Variants in EMILIN1 observed in about 807,000 individuals in gnomAD.
EMILIN1 encodes the protein EMILIN-1.
A neutral mutation model predicts 82.4 loss-of-function variants in EMILIN1; 49 were observed. The ratio of observed to expected loss-of-function variants is 0.59; its 90% CI spans 0.47 to 0.75. The LOEUF (loss-of-function observed/expected upper bound fraction) is 0.75, where lower values mean the gene tolerates loss of function less well. Among genes scored for constraint, EMILIN1 ranks in the 30% least tolerant of loss-of-function variants. EMILIN1 has a pLI of 0.00. For missense variants in EMILIN1, 1,313 were observed against 1,366.4 expected, an observed-to-expected ratio of 0.96 and a Z score of 0.62; for synonymous variants, 604 against 602.2, an observed-to-expected ratio of 1.00 and a Z score of -0.04.
rs147078289 is a variant in EMILIN1 at position 27,085,767 on chromosome 2, C to T, written c.2803C>T (p.Arg935Cys). The change falls in exon 8 of 8, where the codon CGC becomes TGC. Residue 935 changes from arginine (R) to cysteine (C), a missense_variant. Coordinates refer to ENST00000380320, the MANE Select transcript of EMILIN1 (RefSeq NM_007046.4). The stretch of plus-strand genomic sequence containing the variant: ...CGAGAAAGTGGAGGCCGTGCTGTCC[C>T]GCTCCAACCAGGGCGTGGCCCGCGT... ...RHEKVEAVLS[R>C]SNQGVARVDS... The T allele has an allele frequency of 1.2e-6, 2 of 1,612,740 alleles. No individual in the cohort carries two copies. The highest frequency in any genetic ancestry group is 1.7e-6 in the Non-Finnish European group (2 of 1,179,820).
In EMILIN1 at chr2:27,080,947, G is replaced by C. The variant is rs1361570171; in HGVS notation, c.506G>C (p.Gly169Ala). ...GGCAGCCCCCTCAGTGGACTGGGGG[G>C]AGAAGGTGAGTGTGGGAGCTGCTGC... ...SAGSPLSGLG[G>A]EGPGESEKVQ... Residue 169 changes from glycine (G) to alanine (A), a missense_variant, in exon 3 of 8, where the codon GGA (glycine) becomes GCA (alanine). Transcript: ENST00000380320. The C allele has an allele frequency of 6.3e-7, 1 of 1,583,038 alleles. No individual in the cohort carries two copies. Among genetic ancestry groups the C allele is most frequent in the Admixed American group, 1.8e-5 (1 of 55,644 alleles).
intron 3 of EMILIN1, 140 bp downstream of exon 3, chr2:27,081,092 G>A (rs1316978550): frequency 2.4e-5 from 15 of 616,928 alleles, no homozygotes; most frequent in Middle Eastern, 4.4e-4. Context: ...TAGTGAGATC[G>A]CAGAGATTCC....
intron 2 of EMILIN1, 131 bp downstream of exon 2, chr2:27,080,401 G>C: frequency 7.9e-7 from 1 of 1,260,652 alleles, no homozygotes; most frequent in Non-Finnish European, 1.1e-6. Flanking sequence ...CAGCCATTTT[G>C]AGGAGATACT....
At position 27,081,037 on chromosome 2, in the gene EMILIN1, A is replaced by T. The variant is rs7588791; in HGVS notation, c.511+85A>T. The T allele has an allele frequency of 7.8e-3, 8,236 of 1,059,154 alleles. 455 individuals carry two copies. The African/African-American group carries it at 0.12, about 15-fold the overall frequency. The allele number at this position is 1,059,154 out of a possible 1,614,324, so 65.6% of individuals were successfully genotyped here. On this transcript the variant is annotated intron_variant, in intron 3 of 7. Coordinates refer to ENST00000380320, the MANE Select transcript of EMILIN1 (RefSeq NM_007046.4). ...AAATGTGGGGCCAGGCTGCTGGGGG[A>T]GTCCCCCGTGCTCTATGCCAGAGAG...
In EMILIN1 at chr2:27,080,900, C is replaced by A; in HGVS notation, c.459C>A (p.Pro153=). ...GGCCCCTGGCCCGGCCTGCCCGCCC[C>A]AACCTCTCTGGCTCCAGTGCAGGCA... ...TPRPLARPAR[P]NLSGSSAGSP... Residue 153 remains proline, a synonymous_variant, in exon 3 of 8, where the codon CCC becomes CCA. Transcript: ENST00000380320. 6.2e-7 allele frequency: 1 copy of A among 1,607,408 alleles called. No individual in the cohort carries two copies.
At chr2:27,081,834 T>A (rs1200457664) in intron 3 of EMILIN1, among the ~76,000 whole-genome samples, 1 of 152,252 alleles carries the variant, frequency 6.6e-6, no homozygotes, top group African/African-American at 2.4e-5. Context: ...TCTGGTCCAG[T>A]TTCCCAGCCT....
In EMILIN1 at chr2:27,080,723, C is replaced by T; in HGVS notation, c.291-9C>T. The T allele has an allele frequency of 6.2e-7, 1 of 1,609,260 alleles. No individual in the cohort carries two copies. Among genetic ancestry groups the T allele is most frequent in the Non-Finnish European group, 8.5e-7 (1 of 1,177,744 alleles). On this transcript the variant is annotated splice_polypyrimidine_tract_variant and intron_variant, in intron 2 of 7. Coordinates refer to ENST00000380320, the MANE Select transcript of EMILIN1 (RefSeq NM_007046.4). ...GAGGAATAAAGAGGCCTCCTTCTGC[C>T]TCTGCCAGGTACCGCCGCTTCCTCC...
intron 5 of EMILIN1, 45 bp from the exon 6 acceptor site, chr2:27,084,946 T>C (rs1484498054): frequency 1.3e-6 from 2 of 1,598,642 alleles, no homozygotes; most frequent in Admixed American, 3.3e-5. Flanking sequence ...AGTGACTTAG[T>C]GAGAGCTGCT....
chr2:27,085,697 G>A lies in EMILIN1; in HGVS notation c.2733G>A (p.Leu911=). 1.2e-6 allele frequency: 2 copies of A among 1,601,232 alleles called. No individual in the cohort carries two copies. The highest frequency in any genetic ancestry group is 1.7e-6 in the Non-Finnish European group (2 of 1,170,356). The part of the protein sequence containing the change: ...DPETGVFTAP[L]AGRYLLSAVL... ...CCCCAGGCGTGTTCACAGCGCCACT[G>A]GCTGGACGCTACTTGCTGAGCGCGG... Residue 911 remains leucine, a synonymous_variant, in exon 8 of 8, where the codon CTG becomes CTA. Coordinates refer to ENST00000380320, the MANE Select transcript of EMILIN1 (RefSeq NM_007046.4).
intron 4 of EMILIN1, 57 bp from the exon 5 acceptor site, chr2:27,084,358 C>A: frequency 1.9e-6 from 2 of 1,060,842 alleles, no homozygotes; most frequent in Non-Finnish European, 2.9e-6. Flanking sequence ...ACCCACCTTC[C>A]TTACCCATTG....
Position 27,082,405 on chromosome 2 carries a change from C to A in EMILIN1, c.834C>A (p.Ala278=). 1 of 1,607,996 alleles carries A rather than the reference C, an allele frequency of 6.2e-7. No homozygotes were observed. Among genetic ancestry groups the A allele is most frequent in the Non-Finnish European group, 8.5e-7 (1 of 1,178,682 alleles). ...SSSSGGSRAP[A]PASAPPGPSE... ...GCAGTGGGGGCAGCAGGGCCCCAGCCCCAGCCTCAGCCCCTCCGGGCCCCA... is the reference window on the plus strand; with the variant it reads ...GCAGTGGGGGCAGCAGGGCCCCAGCACCAGCCTCAGCCCCTCCGGGCCCCA... Residue 278 remains alanine, a synonymous_variant, in exon 4 of 8, where the codon GCC becomes GCA. Transcript: ENST00000380320.
chr2:27,080,816 G>A lies in EMILIN1; in HGVS notation c.375G>A (p.Gly125=). 1.2e-6 allele frequency: 2 copies of A among 1,613,578 alleles called. No individual in the cohort carries two copies. The highest frequency in any genetic ancestry group is 1.7e-6 in the Non-Finnish European group (2 of 1,179,960). The part of the protein sequence containing the change: ...DMEWRCCQGY[G]GDDCAESPAP... ...AGTGGAGGTGCTGTCAGGGTTATGG[G>A]GGCGATGACTGTGCTGAGAGTCCCG... Residue 125 remains glycine, a synonymous_variant, in exon 3 of 8, where the codon GGG becomes GGA. Transcript: ENST00000380320.
At chr2:27,082,018 G>T in intron 3 of EMILIN1, 65 bp from the exon 4 acceptor site, 1 of 1,480,022 alleles carries the variant, frequency 6.8e-7, no homozygotes, top group African/African-American at 1.4e-5. Context: ...GCTGGAGCTG[G>T]GGTGAGCAGG....
chr2:27,080,279 C>T lies in EMILIN1; in HGVS notation c.290+9C>T. 3 of 1,613,274 alleles carry T rather than the reference C, an allele frequency of 1.9e-6. No individual in the cohort carries two copies. Among genetic ancestry groups the T allele is most frequent in the South Asian group, 1.1e-5 (1 of 91,044 alleles). ...TGTCCCCAAAGCATCATGTGAGTCC[C>T]AGGGCCGGGCAACGGGCCCTTGGTG... On this transcript the variant is annotated intron_variant, in intron 2 of 7. Transcript: ENST00000380320.
At position 27,085,664 on chromosome 2, in the gene EMILIN1, A is replaced by G. The variant is rs1472959444; in HGVS notation, c.2714-14A>G. 1.3e-6 allele frequency: 2 copies of G among 1,585,594 alleles called. No individual in the cohort carries two copies. The highest frequency in any genetic ancestry group is 8.6e-7 in the Non-Finnish European group (1 of 1,159,542). ...AGCTTCCCTGGCCCCCCTGACTGCT[A>G]TCCTTGTCCCCAGGCGTGTTCACAG... On this transcript the variant is annotated splice_polypyrimidine_tract_variant and intron_variant, in intron 7 of 7. Coordinates refer to ENST00000380320, the MANE Select transcript of EMILIN1 (RefSeq NM_007046.4).
At chr2:27,079,807 C>G (rs1180614087) in intron 1 of EMILIN1, among the ~76,000 whole-genome samples, 3 of 152,214 alleles carry the variant, frequency 2.0e-5, no homozygotes, top group African/African-American at 7.2e-5. Flanking sequence ...CCCGGGCTGG[C>G]TATGCGCACA....
At position 27,086,104 on chromosome 2, in the gene EMILIN1, G is replaced by C; in HGVS notation, c.*89G>C. ...GGTCTCGCCTGAGACGGGGCACCTA[G>C]CCCTGGGCGAGCGCCGCACCCGGGC... On this transcript the variant is annotated 3_prime_UTR_variant, in exon 8 of 8. Coordinates refer to ENST00000380320, the MANE Select transcript of EMILIN1 (RefSeq NM_007046.4). The C allele has an allele frequency of 1.9e-6, 2 of 1,031,998 alleles. No homozygotes were observed. Among genetic ancestry groups the C allele is most frequent in the Non-Finnish European group, 2.6e-6 (2 of 781,906 alleles). 63.9% of individuals were successfully genotyped at this position (1,031,998 alleles called of 1,614,324 possible).
At chr2:27,085,425 T>C in intron 7 of EMILIN1, 128 bp downstream of exon 7, 1 of 1,196,906 alleles carries the variant, frequency 8.4e-7, no homozygotes, top group African/African-American at 1.5e-5. Flanking sequence ...CCCGGCTCTT[T>C]CTTCATTTAT....
chr2:27,084,844 T>C, intron 5 of EMILIN1, 147 bp from the exon 6 acceptor site: 1 of 763,914 alleles, frequency 1.3e-6, no homozygotes, highest in South Asian at 1.5e-5. Flanking sequence ...GAATGGACCC[T>C]ACCTATTCCT....
Sources: allele counts gnomAD v4.1 joint callset (sites outside exome capture counted in the v4.1 genomes callset), GRCh38; gene constraint gnomAD v4.1.1; transcripts MANE v1.5; gene names NCBI Gene and HGNC (gene_info 2026-07-23, HGNC 2026-07-21).